Variants in HMCN1 observed in about 807,000 individuals in gnomAD.
HMCN1 encodes hemicentin-1.
Under a neutral mutation model 625.9 loss-of-function variants are expected in HMCN1, and 321 were observed. That is an observed-to-expected ratio of 0.51 (90% confidence interval 0.47 to 0.56). HMCN1 has a LOEUF of 0.56. Among genes scored for constraint, HMCN1 ranks in the 20% least tolerant of loss-of-function variants. The pLI is 0.00. For synonymous variants in HMCN1, 2,425 were observed against 2,417.6 expected (o/e 1.00, Z -0.09); for missense variants, 6,588 against 6,887.3 (o/e 0.96, Z 1.54).
intron 68 of HMCN1, among the ~76,000 whole-genome samples, chr1:186,101,557 C>T (rs1284531199): frequency 1.3e-5 from 2 of 152,022 alleles, no homozygotes; most frequent in African/African-American, 4.8e-5. Context: ...GGAGTATAGA[C>T]AACTCTTACT....
At chr1:185,828,740 C>T (rs1660676889) in intron 1 of HMCN1, among the ~76,000 whole-genome samples, 1 of 151,918 alleles carries the variant, frequency 6.6e-6, no homozygotes, top group Non-Finnish European at 1.5e-5. Context: ...TTAAAAACTT[C>T]ATCAAATTTA....
At chr1:185,989,081 C>T (rs1436870667) in intron 20 of HMCN1, among the ~76,000 whole-genome samples, 1 of 145,168 alleles carries the variant, frequency 6.9e-6, no homozygotes, top group East Asian at 2.0e-4. Context: ...GATCTTGGCT[C>T]ACTGCAAGTT....
rs150854227 is a variant in HMCN1, at chr1:186,128,854, A to T, written c.12904+563A>T. On this transcript the variant is annotated intron_variant, in intron 83 of 106. Coordinates refer to ENST00000271588, the MANE Select transcript of HMCN1 (RefSeq NM_031935.3). ...GTTAGACTTTGTCATCAGCATAAAG[A>T]CTGTCAATACTGAGAAATTGTTCTA... Among the ~76,000 whole-genome samples the T allele has an allele frequency of 7.4e-3, 1,131 of 152,144 alleles. 10 individuals are homozygous for T. Among genetic ancestry groups the T allele is most frequent in the South Asian group, 0.028 (135 of 4,824 alleles).
chr1:186,115,463 T>C (rs1661091040), intron 75 of HMCN1, 49 bp downstream of exon 75: 4 of 1,517,898 alleles, frequency 2.6e-6, no homozygotes, highest in African/African-American at 2.7e-5. Flanking sequence ...CAGTTTGTAA[T>C]GAATCAACAT....
At chr1:186,072,445 GT>G (rs1357395351) in intron 52 of HMCN1, among the ~76,000 whole-genome samples, 2 of 152,116 alleles carry the variant, frequency 1.3e-5, no homozygotes, top group African/African-American at 4.8e-5. Context: ...GTCAGACACT[GT>G]TTTAAATGCA....
intron 1 of HMCN1, among the ~76,000 whole-genome samples, chr1:185,828,441 C>G (rs1660656168): frequency 6.6e-6 from 1 of 151,918 alleles, no homozygotes; most frequent in South Asian, 2.1e-4. Flanking sequence ...ATTCATAGAA[C>G]AAAACAATAA....
chr1:185,968,804 T>G (rs1371248863), intron 14 of HMCN1, among the ~76,000 whole-genome samples: 1 of 152,152 alleles, frequency 6.6e-6, no homozygotes, highest in East Asian at 1.9e-4. Context: ...ATATTAAAAG[T>G]AAATAGTCAC....
intron 43 of HMCN1, 99 bp from the exon 44 acceptor site, chr1:186,053,726 T>G: frequency 4.1e-6 from 5 of 1,224,158 alleles, no homozygotes; most frequent in Non-Finnish European, 6.0e-6. Flanking sequence ...CATTTGCCTT[T>G]TATATACTTG....
intron 1 of HMCN1, among the ~76,000 whole-genome samples, chr1:185,823,702 G>A (rs1390983251): frequency 6.6e-6 from 1 of 151,904 alleles, no homozygotes; most frequent in Non-Finnish European, 1.5e-5. Context: ...ATCCTGTTCT[G>A]GAAAAATAAA....
At chr1:186,055,372 T>G in intron 44 of HMCN1, 21 bp from the exon 45 acceptor site, 1 of 1,611,090 alleles carries the variant, frequency 6.2e-7, no homozygotes, top group Non-Finnish European at 8.5e-7. Context: ...TTGTTTCTTT[T>G]TATCTTCCTC....
At chr1:185,907,468 A>G (rs1431397476) in intron 4 of HMCN1, among the ~76,000 whole-genome samples, 2 of 151,928 alleles carry the variant, frequency 1.3e-5, no homozygotes, top group East Asian at 3.9e-4. Context: ...GTCCTGACAC[A>G]GGCTTCCAGC....
chr1:186,091,856 GATAA>G (rs1659860054), intron 64 of HMCN1, among the ~76,000 whole-genome samples: 1 of 151,966 alleles, frequency 6.6e-6, no homozygotes, highest in Non-Finnish European at 1.5e-5. Flanking sequence ...AACTTAAAGA[GATAA>G]ATGTTATTTT....
In HMCN1 at chr1:185,940,801, T is replaced by C. The variant is rs147600837; in HGVS notation, c.1828+6977T>C. Among the ~76,000 whole-genome samples, 1,157 of 152,340 alleles carry C rather than the reference T, an allele frequency of 7.6e-3. 20 individuals are homozygous for C. Among genetic ancestry groups the C allele is most frequent in the African/African-American group, 0.027 (1,124 of 41,584 alleles). On this transcript the variant is annotated intron_variant, in intron 11 of 106. Coordinates refer to ENST00000271588, the MANE Select transcript of HMCN1 (RefSeq NM_031935.3). The stretch of plus-strand genomic sequence containing the variant: ...TTTTTGAGACAAAGTCTCGGTCTTG[T>C]TGCCCAGGCTGGAGTGCAATGGCAC...
intron 6 of HMCN1, among the ~76,000 whole-genome samples, chr1:185,917,907 G>T (rs1265226356): frequency 2.0e-5 from 3 of 152,012 alleles, no homozygotes; most frequent in Non-Finnish European, 4.4e-5. Context: ...TTCATTCTTG[G>T]CAGTCTCACT....
At position 186,018,320 on chromosome 1, in the gene HMCN1, A is replaced by G; in HGVS notation, c.5438A>G (p.Asp1813Gly). The change falls in exon 34 of 107, where the codon GAC becomes GGC. Residue 1813 changes from aspartate (D) to glycine (G), a missense_variant. Asp to Gly is a moderately conservative substitution (Grantham distance 94). Around this residue, in one of 3 missense-constraint regions of HMCN1, gnomAD observed 4,628 missense variants for 4,853.1 expected, o/e 0.95. Coordinates refer to ENST00000271588, the MANE Select transcript of HMCN1 (RefSeq NM_031935.3). Reference protein sequence around the residue: ...YRCMAANTAGDHKKEFEVTVH... With the variant: ...YRCMAANTAGGHKKEFEVTVH... ...TGCATGGCAGCAAATACTGCTGGAG[A>G]CCACAAGAAGGAATTTGAAGTGACT... is the stretch of plus-strand genomic sequence containing the variant. 1 of 1,612,926 alleles carries G rather than the reference A, an allele frequency of 6.2e-7. No individual in the cohort carries two copies. The highest frequency in any genetic ancestry group is 8.5e-7 in the Non-Finnish European group (1 of 1,179,110).
chr1:186,189,513 T>A lies in HMCN1; in HGVS notation c.16543T>A (p.Phe5515Ile). Residue 5515 changes from phenylalanine to isoleucine, a missense_variant and splice_region_variant, in exon 107 of 107, where the codon TTC (phenylalanine) becomes ATC (isoleucine). This residue lies in a region of HMCN1 where 1,954 missense variants were observed against 2,013.1 expected (regional missense o/e 0.97). Coordinates refer to ENST00000271588, the MANE Select transcript of HMCN1 (RefSeq NM_031935.3). ...PNYQRDPVSG[F>I]CLKNCPPNDL... ...ATTTGATATGTTTGTTGTCCTTAGGTTCTGCCTCAAGAACTGTCCACCCAA... is the reference window on the plus strand; with the variant it reads ...ATTTGATATGTTTGTTGTCCTTAGGATCTGCCTCAAGAACTGTCCACCCAA... The A allele has an allele frequency of 1.2e-6, 2 of 1,613,056 alleles. No individual in the cohort carries two copies. The highest frequency in any genetic ancestry group is 1.7e-6 in the Non-Finnish European group (2 of 1,179,698).
At chr1:185,955,531 C>T (rs889656041) in intron 11 of HMCN1, among the ~76,000 whole-genome samples, 1 of 152,082 alleles carries the variant, frequency 6.6e-6, no homozygotes, top group African/African-American at 2.4e-5. Flanking sequence ...CTATGTGTAA[C>T]TAATTCTGAA....
chr1:185,778,490 TC>T (rs1020737449), intron 1 of HMCN1, among the ~76,000 whole-genome samples: 2 of 96,204 alleles, frequency 2.1e-5, no homozygotes, highest in Admixed American at 1.3e-4. Flanking sequence ...ATGCTATCCC[TC>T]CCCCCGCCCC....
intron 1 of HMCN1, among the ~76,000 whole-genome samples, chr1:185,748,034 A>AT (rs36021341): frequency 0.029 from 3,421 of 118,098 alleles, 102 homozygotes; most frequent in African/African-American, 0.076. Context: ...GGTACTTAAA[A>AT]TTTTTTTTTT....
Sources: gnomAD v4.1 joint callset for allele counts (sites outside exome capture counted in the v4.1 genomes callset) on GRCh38, gnomAD v4.1.1 for gene constraint, gnomAD v4.1.1 regional missense constraint, MANE v1.5 for transcripts, NCBI Gene and HGNC (gene_info 2026-07-23, HGNC 2026-07-21) for gene names.